Variants in KCNK13 observed in about 807,000 individuals in gnomAD.
KCNK13 encodes potassium channel subfamily K member 13.
KCNK13 carries 12 observed loss-of-function variants against 23.4 expected under a neutral mutation model. That is an observed-to-expected ratio of 0.51 (90% CI 0.33 to 0.83). The LOEUF is 0.83. Among genes scored for constraint, KCNK13 ranks in the 40% least tolerant of loss-of-function variants. The pLI, the probability that KCNK13 is intolerant of heterozygous loss-of-function variation, is 0.02. For synonymous variants in KCNK13, 231 were observed against 229.5 expected, an observed-to-expected ratio of 1.01 and a Z score of -0.06; for missense variants, 463 against 556.3, an observed-to-expected ratio of 0.83 and a Z score of 1.69.
At chr14:90,081,581 A>G (rs892501795) in intron 1 of KCNK13, among the ~76,000 whole-genome samples, 4 of 152,364 alleles carry the variant, frequency 2.6e-5, no homozygotes, top group African/African-American at 4.8e-5. Context: ...TTATCAATGT[A>G]TAATTCACAT....
intron 1 of KCNK13, among the ~76,000 whole-genome samples, chr14:90,179,363 C>T (rs577292792): frequency 6.6e-5 from 10 of 151,166 alleles, no homozygotes; most frequent in East Asian, 5.9e-4. Flanking sequence ...AAAAAAAATA[C>T]GTAGTTGACA....
chr14:90,154,196 C>T (rs1275838758), intron 1 of KCNK13, among the ~76,000 whole-genome samples: 1 of 152,192 alleles, frequency 6.6e-6, no homozygotes, highest in Non-Finnish European at 1.5e-5. Context: ...GGCTTTCCTA[C>T]AACAGCACCA....
intron 1 of KCNK13, among the ~76,000 whole-genome samples, chr14:90,064,475 T>C (rs1596761523): frequency 6.6e-6 from 1 of 152,152 alleles, no homozygotes; most frequent in African/African-American, 2.4e-5. Flanking sequence ...CAATGTGGCA[T>C]GGAGGAGTGG....
At chr14:90,144,455 A>G (rs1890050174) in intron 1 of KCNK13, among the ~76,000 whole-genome samples, 2 of 150,976 alleles carry the variant, frequency 1.3e-5, no homozygotes, top group South Asian at 4.2e-4. Flanking sequence ...GTTTACATAG[A>G]CAATCATGTC....
At position 90,085,224 on chromosome 14, in the gene KCNK13, T is replaced by C. The variant is rs548459809; in HGVS notation, c.334+22685T>C. On this transcript the variant is annotated intron_variant, in intron 1 of 1. Transcript: ENST00000282146. ...CTCCCCAAAGTGCTAGGATTACAGG[T>C]GTGAGCCACTGTGCCCAGCCTAATT... Among the ~76,000 whole-genome samples, 38 of 152,100 alleles carry C rather than the reference T, an allele frequency of 2.5e-4. No homozygotes were observed. The South Asian group carries it at 7.3e-3, about 29-fold the overall frequency.
chr14:90,124,301 C>A (rs1889771402), intron 1 of KCNK13, among the ~76,000 whole-genome samples: 1 of 152,298 alleles, frequency 6.6e-6, no homozygotes. Context: ...AATAATGGCC[C>A]CTGCCCCAAG....
rs921458268 is a variant in KCNK13, at chr14:90,108,778, G to C, written c.334+46239G>C. Reference sequence around the variant, plus strand: ...GAACACTGTGTATTTATTTGATTTAGAGTACCAGCAAAAATTAAAGCACAA... The same window carrying C: ...GAACACTGTGTATTTATTTGATTTACAGTACCAGCAAAAATTAAAGCACAA... On this transcript the variant is annotated intron_variant, in intron 1 of 1. Coordinates refer to ENST00000282146, the MANE Select transcript of KCNK13 (RefSeq NM_022054.4). 2.4e-4 allele frequency among the ~76,000 whole-genome samples: 37 copies of C among 152,172 alleles called. 1 individual carries two copies. Among genetic ancestry groups the C allele is most frequent in the Non-Finnish European group, 5.9e-5 (4 of 68,040 alleles).
chr14:90,141,687 A>G (rs1309469420), intron 1 of KCNK13, among the ~76,000 whole-genome samples: 3 of 149,984 alleles, frequency 2.0e-5, no homozygotes, highest in African/African-American at 7.4e-5. Flanking sequence ...CGAACTCCTG[A>G]CCTCAAGTGA....
intron 1 of KCNK13, among the ~76,000 whole-genome samples, chr14:90,091,633 G>A (rs1477568529): frequency 6.6e-6 from 1 of 151,966 alleles, no homozygotes; most frequent in Non-Finnish European, 1.5e-5. Flanking sequence ...CATGCCAAAT[G>A]CCTCATTATT....
intron 1 of KCNK13, among the ~76,000 whole-genome samples, chr14:90,095,604 A>C (rs767456412): frequency 9.2e-5 from 14 of 152,104 alleles, no homozygotes; most frequent in Non-Finnish European, 4.4e-5. Flanking sequence ...CAGATGGTCT[A>C]AGAGTGGAAA....
chr14:90,150,909 G>A (rs1455834763), intron 1 of KCNK13, among the ~76,000 whole-genome samples: 1 of 152,098 alleles, frequency 6.6e-6, no homozygotes, highest in Admixed American at 6.5e-5. Flanking sequence ...AGCCCAGGAG[G>A]CAGAGGTTGC....
At chr14:90,121,951 C>T (rs761906813) in intron 1 of KCNK13, among the ~76,000 whole-genome samples, 1 of 152,030 alleles carries the variant, frequency 6.6e-6, no homozygotes, top group Non-Finnish European at 1.5e-5. Context: ...AACCGCTGAC[C>T]TCAAGTGATC....
chr14:90,133,344 A>G (rs1889897003), intron 1 of KCNK13, among the ~76,000 whole-genome samples: 2 of 152,144 alleles, frequency 1.3e-5, no homozygotes, highest in Admixed American at 1.3e-4. Flanking sequence ...ATCTCTAGAG[A>G]CAGAAGGTAG....
chr14:90,062,470 G>T lies in KCNK13; in HGVS notation c.265G>T (p.Asp89Tyr). The part of the protein sequence containing the change: ...EEATRAGIRV[D>Y]NVRPRWDFTG... ...GGCCACTCGGGCCGGCATCCGCGTG[G>T]ACAACGTCCGCCCGCGCTGGGACTT... The change falls in exon 1 of 2, where the codon GAC becomes TAC. Residue 89 changes from aspartate (D) to tyrosine (Y), a missense_variant. Around this residue, in one of 3 missense-constraint regions of KCNK13, gnomAD observed 153 missense variants for 153.6 expected, o/e 1.00. Transcript: ENST00000282146. The surrounding 1 kb of genome is among the most constrained non-coding windows in gnomAD (Gnocchi z 4.5). 1 of 1,544,854 alleles carries T rather than the reference G, an allele frequency of 6.5e-7. No individual in the cohort carries two copies. Among genetic ancestry groups the T allele is most frequent in the South Asian group, 1.2e-5 (1 of 82,812 alleles).
intron 1 of KCNK13, among the ~76,000 whole-genome samples, chr14:90,092,684 C>T (rs1347931058): frequency 2.0e-5 from 3 of 152,050 alleles, no homozygotes; most frequent in Non-Finnish European, 4.4e-5. Flanking sequence ...AATCCCAACA[C>T]TTTGGGAGGC....
At chr14:90,156,699 G>A (rs1350288324) in intron 1 of KCNK13, among the ~76,000 whole-genome samples, 7 of 152,070 alleles carry the variant, frequency 4.6e-5, no homozygotes, top group South Asian at 4.1e-4. Flanking sequence ...GGGGTATTAC[G>A]ATCATCCCAT....
intron 1 of KCNK13, among the ~76,000 whole-genome samples, chr14:90,103,752 G>A (rs927427323): frequency 3.9e-5 from 6 of 152,018 alleles, no homozygotes; most frequent in African/African-American, 1.2e-4. Context: ...TAGTAGAGAC[G>A]GGGTTTCACC....
chr14:90,162,517 T>C (rs1345534000), intron 1 of KCNK13, among the ~76,000 whole-genome samples: 1 of 152,236 alleles, frequency 6.6e-6, no homozygotes, highest in Non-Finnish European at 1.5e-5. Context: ...GGGTAAAGTA[T>C]AAACAGAATC....
At chr14:90,098,462 C>T (rs539656426) in intron 1 of KCNK13, among the ~76,000 whole-genome samples, 7 of 152,246 alleles carry the variant, frequency 4.6e-5, no homozygotes, top group African/African-American at 7.2e-5. Flanking sequence ...ACCCCATCTA[C>T]GGCTGGGCAT....
Sources: gnomAD v4.1 joint callset for allele counts (sites outside exome capture counted in the v4.1 genomes callset) on GRCh38, gnomAD v4.1.1 for gene constraint, gnomAD v4.1.1 regional missense constraint, Gnocchi (gnomAD v3.1) non-coding constraint, MANE v1.5 for transcripts, NCBI Gene and HGNC (gene_info 2026-07-23, HGNC 2026-07-21) for gene names.